PLA2G4D: variants seen among roughly 807,000 people sequenced by gnomAD.
PLA2G4D encodes phospholipase A2 group IVD, also known as cytosolic phospholipase A2 delta.
PLA2G4D carries 80 observed loss-of-function variants against 94.4 expected under a neutral mutation model. The observed-to-expected ratio is 0.85, with a 90% CI of 0.71 to 1.02. The LOEUF (loss-of-function observed/expected upper bound fraction) is 1.02. Among genes scored for constraint, PLA2G4D ranks in the 50% least tolerant of loss-of-function variants. The pLI is 0.00. For synonymous variants in PLA2G4D, 438 were observed against 440.9 expected (o/e 0.99, Z 0.08); for missense variants, 1,050 against 1,034.7 (o/e 1.01, Z -0.20).
intron 8 of PLA2G4D, 140 bp from the exon 9 acceptor site, chr15:42,082,529 A>C (rs1402893070): frequency 6.1e-6 from 3 of 493,650 alleles, no homozygotes; most frequent in African/African-American, 2.0e-5. Context: ...AATTATAATT[A>C]TAAAATTATA....
rs1480605599 is a variant in PLA2G4D at position 42,068,804 on chromosome 15, G to T, written c.2368C>A (p.Gln790Lys). 1 of 1,613,590 alleles carries T rather than the reference G, an allele frequency of 6.2e-7. No homozygotes were observed. Among genetic ancestry groups the T allele is most frequent in the East Asian group, 2.2e-5 (1 of 44,890 alleles). The change falls in exon 20 of 20, where the codon CAG becomes AAG. Residue 790 changes from glutamine (Q) to lysine (K), a missense_variant. Transcript: ENST00000290472. ...TGCAGGATGGCACCCTGGCTGGTCT[G>T]CACGTTGTAGTCACTGAGCCGCAGC... ...RLLRLSDYNV[Q>K]TSQGAILQAL...
intron 4 of PLA2G4D, among the ~76,000 whole-genome samples, 174 bp downstream of exon 4, chr15:42,086,039 G>A (rs988480752): frequency 5.3e-5 from 8 of 152,252 alleles, no homozygotes; most frequent in Non-Finnish European, 8.8e-5. Flanking sequence ...GCCTGTAACT[G>A]TAAAGTGAAG....
chr15:42,072,211 G>A, intron 14 of PLA2G4D, 64 bp downstream of exon 14: 1 of 1,388,184 alleles, frequency 7.2e-7, no homozygotes, highest in South Asian at 1.2e-5. Flanking sequence ...ATTCTCTGGG[G>A]GCTGTCGGGG....
chr15:42,083,643 C>A (rs895137750), intron 7 of PLA2G4D, 73 bp downstream of exon 7: 24 of 1,562,108 alleles, frequency 1.5e-5, no homozygotes, highest in Middle Eastern at 2.0e-4. Context: ...TCCTGCCCTG[C>A]GCAGGCTTCC....
In PLA2G4D at chr15:42,071,162, G is replaced by C. The variant is rs1889804374; in HGVS notation, c.1837C>G (p.Gln613Glu). ...PNFLQGLQLH[Q>E]DYCSHKDFST... The stretch of plus-strand genomic sequence containing the variant: ...AAGTCTTTGTGGCTACAGTAGTCCT[G>C]GTGCAGCTGGAGGCCCTGGAGGAAG... Residue 613 changes from glutamine (Q) to glutamate (E), a missense_variant, in exon 17 of 20, where the codon CAG becomes GAG. Physicochemically the swap from Gln to Glu is conservative, Grantham distance 29. Transcript: ENST00000290472. The C allele has an allele frequency of 1.2e-6, 2 of 1,613,080 alleles. No individual in the cohort carries two copies. Among genetic ancestry groups the C allele is most frequent in the Non-Finnish European group, 1.7e-6 (2 of 1,179,686 alleles).
rs1175328455 is a variant in PLA2G4D at position 42,083,788 on chromosome 15, G to A, written c.472-9C>T. The A allele has an allele frequency of 3.1e-6, 5 of 1,613,438 alleles. No homozygotes were observed. The highest frequency in any genetic ancestry group is 4.2e-6 in the Non-Finnish European group (5 of 1,179,996). ...CATGACAGCTCTCGGGCCTGGGGAA[G>A]ACCACATCATGGGCAGGGGCCTCTG... On this transcript the variant is annotated splice_polypyrimidine_tract_variant and intron_variant, in intron 6 of 19. Transcript: ENST00000290472.
At chr15:42,076,497 G>A (rs976736240) in intron 13 of PLA2G4D, among the ~76,000 whole-genome samples, 5 of 151,920 alleles carry the variant, frequency 3.3e-5, no homozygotes, top group Admixed American at 2.0e-4. Flanking sequence ...GATTCACATC[G>A]AGAATACATA....
At chr15:42,073,682 C>T (rs1157055856) in intron 13 of PLA2G4D, among the ~76,000 whole-genome samples, 1 of 152,162 alleles carries the variant, frequency 6.6e-6, no homozygotes, top group African/African-American at 2.4e-5. Context: ...GTGAAGCATG[C>T]GGACTTCTGG....
chr15:42,075,909 GA>G (rs1889912416), intron 13 of PLA2G4D, among the ~76,000 whole-genome samples: 1 of 120,564 alleles, frequency 8.3e-6, no homozygotes, highest in Middle Eastern at 4.0e-3. Context: ...GAGGGAGGGA[GA>G]GGGGAGGGGA....
intron 6 of PLA2G4D, 48 bp downstream of exon 6, chr15:42,085,048 A>G (rs761983622): frequency 1.2e-6 from 2 of 1,602,074 alleles, no homozygotes; most frequent in East Asian, 2.2e-5. Context: ...CTCCCTCCCC[A>G]AGCGTCTGCT....
intron 18 of PLA2G4D, chr15:42,070,314 C>A: frequency 1.8e-6 from 1 of 541,566 alleles, no homozygotes; most frequent in Admixed American, 3.8e-5. Context: ...TAGGTGGGGT[C>A]AGACCCATCC....
chr15:42,086,069 A>T lies in PLA2G4D; in HGVS notation c.387+144T>A, dbSNP rs1277690792. The T allele has an allele frequency of 6.5e-6, 6 of 927,964 alleles. No individual in the cohort carries two copies. The East Asian group carries it at 1.6e-4, about 25-fold the overall frequency. The allele number at this position is 927,964 out of a possible 1,614,324, so 57.5% of individuals were successfully genotyped here. ...GTGAAGCCTTTTCCTTGCTTATTAAAATGCAAATCTAAAAAGGGGTTTAGA... is the reference window on the plus strand; with the variant it reads ...GTGAAGCCTTTTCCTTGCTTATTAATATGCAAATCTAAAAAGGGGTTTAGA... On this transcript the variant is annotated intron_variant, in intron 4 of 19. Coordinates refer to ENST00000290472, the MANE Select transcript of PLA2G4D (RefSeq NM_178034.4).
chr15:42,093,515 C>T (rs544985146), intron 1 of PLA2G4D, among the ~76,000 whole-genome samples: 3 of 152,338 alleles, frequency 2.0e-5, no homozygotes, highest in South Asian at 4.1e-4. Context: ...TCCGTGGACT[C>T]CCCCGCATCC....
chr15:42,070,334 C>A (rs542842343), intron 18 of PLA2G4D: 1 of 524,784 alleles, frequency 1.9e-6, no homozygotes, highest in Non-Finnish European at 3.3e-6. Flanking sequence ...CCCCAGCCCC[C>A]CAAAACCCCA....
chr15:42,086,194 T>TGGGGGGGGGGGCCC lies in PLA2G4D; in HGVS notation c.387+18_387+19insGGGCCCCCCCCCCC. 2.8e-5 allele frequency: 39 copies of TGGGGGGGGGGGCCC among 1,370,422 alleles called. No homozygotes were observed. Among genetic ancestry groups the TGGGGGGGGGGGCCC allele is most frequent in the Non-Finnish European group, 3.3e-5 (34 of 1,043,062 alleles). 84.9% of individuals were successfully genotyped at this position (1,370,422 alleles called of 1,614,324 possible). Reference sequence around the variant, plus strand: ...GGAAGAAGTGGGGCCCACGGGGACTTCCCCACCCACCCACCCACCTGGGGA... The same window carrying TGGGGGGGGGGGCCC: ...GGAAGAAGTGGGGCCCACGGGGACTTGGGGGGGGGGGCCCCCCCACCCACCCACCCACCTGGGGA... On this transcript the variant is annotated intron_variant, in intron 4 of 19. Transcript: ENST00000290472.
At chr15:42,070,581 C>A (rs1566859597) in intron 18 of PLA2G4D, 136 bp downstream of exon 18, 2 of 1,130,770 alleles carry the variant, frequency 1.8e-6, no homozygotes, top group African/African-American at 3.1e-5. Flanking sequence ...TGGCAGGAGC[C>A]AGCAGATCAA....
Position 42,081,834 on chromosome 15 carries a change from C to T in PLA2G4D, c.784G>A (p.Ala262Thr). The change falls in exon 10 of 20, where the codon GCC becomes ACC. Residue 262 changes from alanine (A) to threonine (T), a missense_variant and splice_region_variant. By Grantham distance (58) the Ala-to-Thr change is moderately conservative (BLOSUM62 0). Coordinates refer to ENST00000290472, the MANE Select transcript of PLA2G4D (RefSeq NM_178034.4). ...EVTMDVPAPN[A>T]PGVRLQLKAE... ...TTGAGCTGCAGCCTCACTCCTGGGG[C>T]CTGAAATCAAAGCCAGAGACTCTGC... 6.2e-7 allele frequency: 1 copy of T among 1,614,174 alleles called. No individual in the cohort carries two copies. The highest frequency in any genetic ancestry group is 8.5e-7 in the Non-Finnish European group (1 of 1,180,014).
intron 8 of PLA2G4D, 93 bp downstream of exon 8, chr15:42,083,104 TG>T (rs1890070934): frequency 2.0e-6 from 3 of 1,500,234 alleles, no homozygotes; most frequent in Admixed American, 2.1e-5. Flanking sequence ...ACAGGGGCCT[TG>T]GCCCTGGTGG....
chr15:42,087,522 C>T (rs561267707), intron 2 of PLA2G4D, 86 bp from the exon 3 acceptor site: 225 of 1,604,542 alleles, frequency 1.4e-4, no homozygotes, highest in African/African-American at 1.4e-3. Context: ...AAGACCCTGG[C>T]GGTCACCGCA....
Sources: allele counts gnomAD v4.1 joint callset (sites outside exome capture counted in the v4.1 genomes callset), GRCh38; gene constraint gnomAD v4.1.1; transcripts MANE v1.5; gene names NCBI Gene and HGNC (gene_info 2026-07-23, HGNC 2026-07-21).